Variants in NWD1 observed in about 807,000 individuals in gnomAD.
NWD1 encodes the protein NACHT domain- and WD repeat-containing protein 1.
A neutral mutation model predicts 135.1 loss-of-function variants in NWD1; 129 were observed. The observed-to-expected ratio is 0.96, with a 90% CI of 0.83 to 1.11. NWD1 has a LOEUF of 1.11. NWD1 is among the 50% of genes least tolerant of loss of function. The probability of loss-of-function intolerance (pLI) is 0.00; values close to 1 mark genes in which losing one functional copy is unlikely to be tolerated. For synonymous variants in NWD1, 773 were observed against 786.0 expected (o/e 0.98, Z 0.28); for missense variants, 1,740 against 1,851.3 (o/e 0.94, Z 1.10).
At chr19:16,771,549 A>G (rs1306238818) in intron 10 of NWD1, among the ~76,000 whole-genome samples, 2 of 152,232 alleles carry the variant, frequency 1.3e-5, no homozygotes, top group African/African-American at 2.4e-5. Flanking sequence ...GGCGCTCGCC[A>G]GGAGTTGTAA....
At chr19:16,754,442 T>C (rs1336253798) in intron 6 of NWD1, among the ~76,000 whole-genome samples, 1 of 147,230 alleles carries the variant, frequency 6.8e-6, no homozygotes, top group African/African-American at 2.5e-5. Context: ...TCTATCTTCC[T>C]CCCATCCATC....
chr19:16,722,671 C>T (rs1250617672), intron 1 of NWD1, among the ~76,000 whole-genome samples: 4 of 151,910 alleles, frequency 2.6e-5, no homozygotes, highest in African/African-American at 9.7e-5. Context: ...TCTTGACCTG[C>T]TCCTGGGAAG....
intron 17 of NWD1, among the ~76,000 whole-genome samples, chr19:16,804,423 C>T (rs1970692207): frequency 6.6e-6 from 1 of 151,742 alleles, no homozygotes; most frequent in African/African-American, 2.4e-5. Flanking sequence ...AGTGAGACCC[C>T]ACCTCTACAA....
At position 16,808,064 on chromosome 19, in the gene NWD1, C is replaced by T. The variant is rs148067405; in HGVS notation, c.4215C>T (p.Ser1405=). 844 of 1,613,994 alleles carry T rather than the reference C, an allele frequency of 5.2e-4. 1 individual carries two copies. The highest frequency in any genetic ancestry group is 6.2e-4 in the Admixed American group (37 of 59,982). ...EVSHKEQLVV[S]GSEDALLCLW... ...GCCACAAGGAGCAGCTGGTGGTCAGCGGGTCTGAGGATGCCCTGCTGTGTC... is the reference window on the plus strand; with the variant it reads ...GCCACAAGGAGCAGCTGGTGGTCAGTGGGTCTGAGGATGCCCTGCTGTGTC... Residue 1405 remains serine (S), a synonymous_variant, in exon 18 of 19, where the codon AGC becomes AGT. Transcript: ENST00000524140.
chr19:16,723,814 G>GC (rs1463844930), intron 1 of NWD1, among the ~76,000 whole-genome samples: 1 of 151,996 alleles, frequency 6.6e-6, no homozygotes, highest in African/African-American at 2.4e-5. Flanking sequence ...TCGTGTCTGA[G>GC]CCCCCCACGT....
Position 16,789,011 on chromosome 19 carries a change from A to T in NWD1, c.2761A>T (p.Lys921Ter), listed in dbSNP as rs1283462801. Reference protein sequence around the residue: ...GEVRCVKIFAKGTLANSASKD... With the variant: ...GEVRCVKIFA The stretch of plus-strand genomic sequence containing the variant: ...GGTGAGGTGTGTGAAAATATTTGCC[A>T]AAGGGACCCTCGCCAACTCTGCTTC... Residue 921 changes from lysine (K) to a stop codon, truncating the protein, a stop_gained, in exon 13 of 19, where the codon AAA becomes TAA. Transcript: ENST00000524140. LOFTEE classifies it high-confidence loss of function. 2 of 1,612,124 alleles carry T rather than the reference A, an allele frequency of 1.2e-6. No individual in the cohort carries two copies. The highest frequency in any genetic ancestry group is 1.7e-6 in the Non-Finnish European group (2 of 1,179,750).
At chr19:16,743,004 CCGGCT>C (rs1310269707) in intron 4 of NWD1, among the ~76,000 whole-genome samples, 3 of 151,424 alleles carry the variant, frequency 2.0e-5, no homozygotes, top group African/African-American at 7.3e-5. Flanking sequence ...CCTTCGCCTC[CCGGCT>C]TCAAGCAAGT....
At chr19:16,801,123 T>C (rs1251724470) in intron 17 of NWD1, among the ~76,000 whole-genome samples, 2 of 151,692 alleles carry the variant, frequency 1.3e-5, no homozygotes, top group East Asian at 3.9e-4. Flanking sequence ...ACTAAAGCAA[T>C]ACAAAATTAG....
intron 18 of NWD1, among the ~76,000 whole-genome samples, chr19:16,809,617 C>T (rs1252701416): frequency 6.8e-6 from 1 of 146,464 alleles, no homozygotes; most frequent in Non-Finnish European, 1.5e-5. Context: ...TGCAGTGGTG[C>T]GATCTCGGCT....
At chr19:16,741,726 C>T (rs866985154) in intron 4 of NWD1, among the ~76,000 whole-genome samples, 19 of 152,136 alleles carry the variant, frequency 1.2e-4, no homozygotes, top group African/African-American at 3.9e-4. Context: ...AGGCTACGTA[C>T]GACCCATGTT....
intron 10 of NWD1, among the ~76,000 whole-genome samples, chr19:16,767,982 C>CTTTTTTTTTTT (rs963453075): frequency 2.4e-5 from 2 of 83,596 alleles, no homozygotes; most frequent in Non-Finnish European, 4.4e-5. Flanking sequence ...AATTTCCTTC[C>CTTTTTTTTTTT]TTTTTTTTTT....
intron 9 of NWD1, among the ~76,000 whole-genome samples, chr19:16,764,237 C>T (rs967666569): frequency 1.3e-5 from 2 of 152,128 alleles, no homozygotes; most frequent in African/African-American, 2.4e-5. Context: ...AATAATCTAG[C>T]TCCAAATGTT....
chr19:16,777,658 G>C (rs1320283591), intron 11 of NWD1, among the ~76,000 whole-genome samples: 1 of 21,794 alleles, frequency 4.6e-5, no homozygotes, highest in East Asian at 1.3e-3. Context: ...GAAGGGAAAG[G>C]GGAGAGCAGG....
chr19:16,779,055 A>G (rs901258915), intron 11 of NWD1, among the ~76,000 whole-genome samples: 15 of 152,136 alleles, frequency 9.9e-5, no homozygotes, highest in African/African-American at 3.6e-4. Context: ...AGAAACCGAT[A>G]TGTGTCCGCT....
chr19:16,749,278 G>T lies in NWD1; in HGVS notation c.636G>T (p.Ala212=). 1 of 1,613,496 alleles carries T rather than the reference G, an allele frequency of 6.2e-7. No individual in the cohort carries two copies. The highest frequency in any genetic ancestry group is 8.5e-7 in the Non-Finnish European group (1 of 1,179,900). The change falls in exon 6 of 19, where the codon GCG becomes GCT. Residue 212 remains alanine (A), a synonymous_variant. Coordinates refer to ENST00000524140, the MANE Select transcript of NWD1 (RefSeq NM_001007525.5). ...CCCTTAGGATGGTGGACCGGCTCGC[G>T]GATGGCTGCCTGGACGCTGATGCCC... The part of the protein sequence containing the change: ...DCALRMVDRL[A]DGCLDADAQN...
At chr19:16,752,380 G>C (rs1968615667) in intron 6 of NWD1, among the ~76,000 whole-genome samples, 2 of 152,156 alleles carry the variant, frequency 1.3e-5, no homozygotes, top group African/African-American at 4.8e-5. Flanking sequence ...AATATGCTGG[G>C]TGCAGTAGCT....
chr19:16,759,375 C>A lies in NWD1; in HGVS notation c.1920C>A (p.Tyr640Ter). The A allele has an allele frequency of 6.2e-7, 1 of 1,607,660 alleles. No homozygotes were observed. Among genetic ancestry groups the A allele is most frequent in the Non-Finnish European group, 8.5e-7 (1 of 1,177,560 alleles). The part of the protein sequence containing the change: ...LWVRLRRDLG[Y>*]YLARRPVDGF... Reference sequence around the variant, plus strand: ...TGCGGCTTCGTCGGGATCTGGGATACTACTTGGCCCGGCGGCCCGTGGATG... The same window carrying A: ...TGCGGCTTCGTCGGGATCTGGGATAATACTTGGCCCGGCGGCCCGTGGATG... The change falls in exon 7 of 19, where the codon TAC (tyrosine) becomes TAA (stop). Residue 640 changes from tyrosine to a stop codon, truncating the protein, a stop_gained. Transcript: ENST00000524140. LOFTEE classifies it high-confidence loss of function.
intron 14 of NWD1, among the ~76,000 whole-genome samples, chr19:16,794,195 A>G (rs1970343241): frequency 6.6e-6 from 1 of 151,848 alleles, no homozygotes; most frequent in Non-Finnish European, 1.5e-5. Context: ...GTGAAACCCC[A>G]TCTCTACTAA....
At position 16,799,951 on chromosome 19, in the gene NWD1, C is replaced by G; in HGVS notation, c.3525C>G (p.Ser1175Arg). ...TGGAAGGCGTCGGGGCCCCCGTGAG[C>G]CTGCTGGCCCGCGGCGGGGCTTTGG... Reference protein sequence around the residue: ...DILEGVGAPVSLLARGGALVA... With the variant: ...DILEGVGAPVRLLARGGALVA... The change falls in exon 17 of 19, where the codon AGC (serine) becomes AGG (arginine). Residue 1175 changes from serine (S) to arginine (R), a missense_variant. Ser to Arg is a moderately radical substitution (Grantham distance 110, BLOSUM62 -1). Transcript: ENST00000524140. 1 of 1,614,082 alleles carries G rather than the reference C, an allele frequency of 6.2e-7. No individual in the cohort carries two copies. Among genetic ancestry groups the G allele is most frequent in the Non-Finnish European group, 8.5e-7 (1 of 1,179,958 alleles).
Sources: allele counts gnomAD v4.1 joint callset (sites outside exome capture counted in the v4.1 genomes callset), GRCh38; gene constraint gnomAD v4.1.1; transcripts MANE v1.5; gene names NCBI Gene and HGNC (gene_info 2026-07-23, HGNC 2026-07-21).